ERBB4: variants seen among roughly 807,000 people sequenced by gnomAD.
ERBB4 encodes receptor tyrosine-protein kinase erbB-4.
Under a neutral mutation model 158.0 loss-of-function variants are expected in ERBB4, and 42 were observed. The ratio of observed to expected loss-of-function variants is 0.27; its 90% CI spans 0.21 to 0.34. The LOEUF (loss-of-function observed/expected upper bound fraction) is 0.34. Among genes scored for constraint, ERBB4 ranks in the 10% least tolerant of loss-of-function variants. ERBB4 has a pLI of 1.00. For synonymous variants in ERBB4, 583 were observed against 558.7 expected, an observed-to-expected ratio of 1.04 and a Z score of -0.61; for missense variants, 1,333 against 1,624.1, an observed-to-expected ratio of 0.82 and a Z score of 3.08.
intron 1 of ERBB4, among the ~76,000 whole-genome samples, chr2:212,137,277 G>A (rs543852193): frequency 2.1e-4 from 32 of 152,080 alleles, no homozygotes; most frequent in South Asian, 4.1e-4. Flanking sequence ...CATCATCCAG[G>A]TATTAAGCTT....
chr2:211,428,560 CT>C, intron 21 of ERBB4, 77 bp from the exon 22 acceptor site: 1 of 786,218 alleles, frequency 1.3e-6, no homozygotes, highest in East Asian at 2.6e-5. Context: ...AAATGTGAGT[CT>C]TTGGGCTGGC....
chr2:211,935,902 ATTG>A (rs1363845445), intron 3 of ERBB4, among the ~76,000 whole-genome samples: 1 of 152,098 alleles, frequency 6.6e-6, no homozygotes, highest in African/African-American at 2.4e-5. Context: ...GGTTGTTATT[ATTG>A]TTATTATTAA....
chr2:211,876,623 T>A (rs1000906549), intron 3 of ERBB4, among the ~76,000 whole-genome samples: 1 of 152,162 alleles, frequency 6.6e-6, no homozygotes, highest in Non-Finnish European at 1.5e-5. Flanking sequence ...CAAGAACACA[T>A]AAAATGTGTT....
chr2:211,513,421 T>C (rs1050267552), intron 20 of ERBB4, among the ~76,000 whole-genome samples: 1 of 146,212 alleles, frequency 6.8e-6, no homozygotes, highest in Non-Finnish European at 1.5e-5. Context: ...AATGGTCAAC[T>C]ATGCCTTTTT....
At chr2:212,256,017 T>TC (rs750141221) in intron 1 of ERBB4, among the ~76,000 whole-genome samples, 3 of 142,002 alleles carry the variant, frequency 2.1e-5, no homozygotes, top group Admixed American at 1.4e-4. Context: ...TTTTTACAAA[T>TC]GGGGGGGGGT....
intron 2 of ERBB4, among the ~76,000 whole-genome samples, chr2:211,972,427 T>G (rs1424191522): frequency 6.6e-6 from 1 of 152,064 alleles, no homozygotes; most frequent in African/African-American, 2.4e-5. Context: ...TGGAACCAAA[T>G]AAGACCTGCA....
At chr2:211,703,989 A>C in intron 11 of ERBB4, 115 bp downstream of exon 11, 1 of 762,370 alleles carries the variant, frequency 1.3e-6, no homozygotes, top group South Asian at 1.4e-5. Context: ...ATAAGGATGG[A>C]AGCATGATTT....
At chr2:212,314,431 T>TA (rs559108517) in intron 1 of ERBB4, among the ~76,000 whole-genome samples, 3,304 of 148,666 alleles carry the variant, frequency 0.022, 108 homozygotes, top group African/African-American at 0.077. Flanking sequence ...GGTATTACAT[T>TA]AAAAAAAAAA....
chr2:212,023,924 C>CA (rs2076715298), intron 2 of ERBB4, among the ~76,000 whole-genome samples: 1 of 142,582 alleles, frequency 7.0e-6, no homozygotes, highest in Non-Finnish European at 1.5e-5. Flanking sequence ...AAAATATTGG[C>CA]TTTTTTTTTT....
At chr2:212,082,880 T>A (rs1370535084) in intron 2 of ERBB4, among the ~76,000 whole-genome samples, 1 of 152,024 alleles carries the variant, frequency 6.6e-6, no homozygotes, top group African/African-American at 2.4e-5. Flanking sequence ...GAAATTTCCT[T>A]CTCTGGTCCT....
At chr2:211,638,835 C>T (rs1016789387) in intron 16 of ERBB4, among the ~76,000 whole-genome samples, 2 of 152,154 alleles carry the variant, frequency 1.3e-5, no homozygotes, top group South Asian at 4.1e-4. Flanking sequence ...TCAGAGCAAA[C>T]CTTCCTTCTC....
intron 1 of ERBB4, among the ~76,000 whole-genome samples, chr2:212,427,062 T>A (rs571998802): frequency 2.0e-5 from 3 of 152,156 alleles, no homozygotes; most frequent in Non-Finnish European, 2.9e-5. Flanking sequence ...TAGTAGGAAA[T>A]CAATTTGTCA....
chr2:211,690,705 GAGAAA>G (rs2072777893), intron 12 of ERBB4, among the ~76,000 whole-genome samples: 1 of 152,086 alleles, frequency 6.6e-6, no homozygotes, highest in Admixed American at 6.6e-5. Context: ...AAATTCTTAA[GAGAAA>G]AGAAATTTTC....
At chr2:211,696,105 T>C (rs903980159) in intron 12 of ERBB4, among the ~76,000 whole-genome samples, 1 of 135,932 alleles carries the variant, frequency 7.4e-6, no homozygotes, top group Non-Finnish European at 1.6e-5. Context: ...TCTCTTTCTT[T>C]CTCTTTATCT....
intron 3 of ERBB4, among the ~76,000 whole-genome samples, chr2:211,829,698 A>T (rs1002077552): frequency 1.1e-4 from 17 of 152,148 alleles, no homozygotes; most frequent in African/African-American, 4.1e-4. Context: ...GACAAACTGA[A>T]CACCTTGAGT....
At chr2:211,561,247 A>G (rs1434180217) in intron 20 of ERBB4, among the ~76,000 whole-genome samples, 2 of 152,180 alleles carry the variant, frequency 1.3e-5, no homozygotes, top group Non-Finnish European at 2.9e-5. Flanking sequence ...AAAAATCCAG[A>G]ATTCTGGCCA....
chr2:211,429,989 C>T (rs2063715162), intron 21 of ERBB4, among the ~76,000 whole-genome samples: 1 of 150,164 alleles, frequency 6.7e-6, no homozygotes, highest in Non-Finnish European at 1.5e-5. Flanking sequence ...ATGCTGTGGT[C>T]TCAGACTACT....
intron 2 of ERBB4, among the ~76,000 whole-genome samples, chr2:212,024,098 AATC>A (rs1219780654): frequency 6.6e-6 from 1 of 151,832 alleles, no homozygotes; most frequent in African/African-American, 2.4e-5. Context: ...AGGCAGACAC[AATC>A]TCGATACCCA....
intron 3 of ERBB4, among the ~76,000 whole-genome samples, chr2:211,865,728 C>T (rs1281031341): frequency 6.6e-6 from 1 of 152,120 alleles, no homozygotes; most frequent in Non-Finnish European, 1.5e-5. Context: ...CAAGATCAGC[C>T]ATCCATTTGC....
Sources: gnomAD v4.1 joint callset for allele counts (sites outside exome capture counted in the v4.1 genomes callset) on GRCh38, gnomAD v4.1.1 for gene constraint, MANE v1.5 for transcripts, NCBI Gene and HGNC (gene_info 2026-07-23, HGNC 2026-07-21) for gene names.